The following C12orf75 variants were observed in gnomAD, a reference collection of about 807,000 sequenced individuals.
The protein encoded by C12orf75 is chromosome 12 open reading frame 75, also known as overexpressed in colon carcinoma 1 protein.
A neutral mutation model predicts 11.4 loss-of-function variants in C12orf75; 4 were observed. That is an observed-to-expected ratio of 0.35 (90% confidence interval 0.17 to 0.80). The LOEUF (loss-of-function observed/expected upper bound fraction) is 0.80. Among genes scored for constraint, C12orf75 ranks in the 30% least tolerant of loss-of-function variants. C12orf75 has a pLI of 0.52. For synonymous variants in C12orf75, 30 were observed against 30.0 expected (o/e 1.00, Z 0.00); for missense variants, 89 against 80.4 (o/e 1.11, Z -0.41).
chr12:105,339,916 G>T (rs1892546792), intron 1 of C12orf75, among the ~76,000 whole-genome samples: 1 of 151,750 alleles, frequency 6.6e-6, no homozygotes, highest in African/African-American at 2.4e-5. Flanking sequence ...CACCATGCCT[G>T]GCCCTTGTTT....
chr12:105,369,823 C>T (rs927351381), intron 5 of C12orf75, among the ~76,000 whole-genome samples: 4 of 152,214 alleles, frequency 2.6e-5, no homozygotes, highest in African/African-American at 9.6e-5. Context: ...TGCTAAGCAT[C>T]CATTGTGGTC....
chr12:105,362,277 T>C lies in C12orf75; in HGVS notation c.72-3530T>C, dbSNP rs368355474. Among the ~76,000 whole-genome samples, 13 of 138,852 alleles carry C rather than the reference T, an allele frequency of 9.4e-5. No homozygotes were observed. The East Asian group carries it at 1.3e-3, about 14-fold the overall frequency. The allele number at this position is 138,852 out of a possible 152,430, so 91.1% of individuals were successfully genotyped here. ...GCGGGCGCCTGTAGTCCCAGCTACT[T>C]GGGAGGCTGAGGCAGGAGAATGGCG... On this transcript the variant is annotated intron_variant, in intron 2 of 5. Coordinates refer to ENST00000443585, the MANE Select transcript of C12orf75 (RefSeq NM_001145199.2).
Position 105,357,340 on chromosome 12 carries a change from G to A in C12orf75, c.72-8467G>A, listed in dbSNP as rs1161036476. Reference sequence around the variant, plus strand: ...ATCCATCTGTAATCTTAGTTGCAGTGGTTGCCTTTGGTCAGTTGCTTTTTT... The same window carrying A: ...ATCCATCTGTAATCTTAGTTGCAGTAGTTGCCTTTGGTCAGTTGCTTTTTT... On this transcript the variant is annotated intron_variant, in intron 2 of 5. Coordinates refer to ENST00000443585, the MANE Select transcript of C12orf75 (RefSeq NM_001145199.2). Among the ~76,000 whole-genome samples the A allele has an allele frequency of 3.9e-5, 6 of 152,150 alleles. 1 individual carries two copies. Among genetic ancestry groups the A allele is most frequent in the Admixed American group, 3.9e-4 (6 of 15,282 alleles).
Position 105,340,799 on chromosome 12 carries a change from G to A in C12orf75, c.47-7803G>A, listed in dbSNP as rs903736345. ...AGTAGGCTCTAAATCCAATGAGAAG[G>A]GTGTTTATGAGAGACACAAGATGAG... On this transcript the variant is annotated intron_variant, in intron 1 of 5. Coordinates refer to ENST00000443585, the MANE Select transcript of C12orf75 (RefSeq NM_001145199.2). 4.6e-5 allele frequency among the ~76,000 whole-genome samples: 7 copies of A among 152,212 alleles called. No homozygotes were observed. The South Asian group carries it at 1.4e-3, about 32-fold the overall frequency.
chr12:105,355,572 T>A (rs1234664784), intron 2 of C12orf75, among the ~76,000 whole-genome samples: 2 of 152,194 alleles, frequency 1.3e-5, no homozygotes, highest in Admixed American at 1.3e-4. Context: ...TGGCAGGGTT[T>A]AGACTCCAGA....
intron 2 of C12orf75, among the ~76,000 whole-genome samples, chr12:105,356,395 C>A (rs1208257003): frequency 6.8e-6 from 1 of 146,298 alleles, no homozygotes; most frequent in African/African-American, 2.5e-5. Flanking sequence ...TAAGTTTAGC[C>A]TCTTTAGTGA....
chr12:105,339,873 G>C (rs1892545881), intron 1 of C12orf75, among the ~76,000 whole-genome samples: 1 of 151,958 alleles, frequency 6.6e-6, no homozygotes, highest in Non-Finnish European at 1.5e-5. Flanking sequence ...ACCCACCTCA[G>C]CCTCCCAAAA....
intron 2 of C12orf75, among the ~76,000 whole-genome samples, chr12:105,355,968 C>T (rs915409758): frequency 1.4e-4 from 21 of 152,150 alleles, no homozygotes; most frequent in African/African-American, 5.1e-4. Context: ...GAATGTTACT[C>T]ATGTTCTCCA....
chr12:105,330,839 C>G lies in C12orf75; in HGVS notation c.-53C>G. The G allele has an allele frequency of 8.0e-7, 1 of 1,245,524 alleles. No individual in the cohort carries two copies. The highest frequency in any genetic ancestry group is 1.0e-6 in the Non-Finnish European group (1 of 995,836). The allele number at this position is 1,245,524 out of a possible 1,614,324, so 77.2% of individuals were successfully genotyped here. On this transcript the variant is annotated 5_prime_UTR_variant, in exon 1 of 6. Transcript: ENST00000443585. ...CCGCCCTTCGTCTGGGTCTCCGCCC[C>G]CAGGACCCGCGGCCGAGAGCTCCGG...
chr12:105,368,431 C>T (rs1871545078), intron 5 of C12orf75, among the ~76,000 whole-genome samples: 2 of 152,214 alleles, frequency 1.3e-5, no homozygotes, highest in Non-Finnish European at 2.9e-5. Flanking sequence ...TGGGCACGTT[C>T]CTTCCCCTTT....
chr12:105,351,313 CT>C (rs1892711239), intron 2 of C12orf75, among the ~76,000 whole-genome samples: 1 of 151,944 alleles, frequency 6.6e-6, no homozygotes, highest in Non-Finnish European at 1.5e-5. Flanking sequence ...GAGTAAAGAA[CT>C]TAGAATAGGG....
intron 2 of C12orf75, among the ~76,000 whole-genome samples, chr12:105,359,712 A>G (rs943373853): frequency 5.3e-5 from 8 of 150,414 alleles, no homozygotes; most frequent in African/African-American, 2.0e-4. Context: ...CAGAGGTTCC[A>G]GTGAACTGAG....
chr12:105,351,295 A>C (rs1027966541), intron 2 of C12orf75, among the ~76,000 whole-genome samples: 2 of 152,220 alleles, frequency 1.3e-5, no homozygotes. Flanking sequence ...TAGTAGAATA[A>C]GTACTGAGAG....
chr12:105,359,496 C>T (rs575666205), intron 2 of C12orf75, among the ~76,000 whole-genome samples: 15 of 152,046 alleles, frequency 9.9e-5, no homozygotes, highest in East Asian at 9.6e-4. Context: ...ACTGGCTGGG[C>T]GCAGTGGCTC....
chr12:105,334,570 A>G (rs908911890), intron 1 of C12orf75, among the ~76,000 whole-genome samples: 1 of 152,228 alleles, frequency 6.6e-6, no homozygotes, highest in Non-Finnish European at 1.5e-5. Context: ...GCAACTATAT[A>G]AAGGATGCAG....
chr12:105,339,458 T>C (rs1892539927), intron 1 of C12orf75, among the ~76,000 whole-genome samples: 1 of 151,738 alleles, frequency 6.6e-6, no homozygotes, highest in Non-Finnish European at 1.5e-5. Flanking sequence ...TGTGTGTGAA[T>C]TATCACCACT....
intron 2 of C12orf75, among the ~76,000 whole-genome samples, chr12:105,349,188 C>G (rs1892680393): frequency 6.6e-6 from 1 of 152,168 alleles, no homozygotes; most frequent in Non-Finnish European, 1.5e-5. Flanking sequence ...TTTCCATGCC[C>G]CTTCTCTCTG....
intron 1 of C12orf75, among the ~76,000 whole-genome samples, chr12:105,340,430 C>CAAA (rs60658476): frequency 0.018 from 2,099 of 115,236 alleles, 61 homozygotes; most frequent in African/African-American, 0.056. Context: ...GTGCCCCCGC[C>CAAA]AAAAAAAAAA....
intron 1 of C12orf75, among the ~76,000 whole-genome samples, chr12:105,345,497 A>T (rs1038175152): frequency 6.8e-6 from 1 of 147,152 alleles, no homozygotes; most frequent in African/African-American, 2.5e-5. Context: ...AAACAAATAT[A>T]AAAAAAAAAG....
Sources: gnomAD v4.1 joint callset for allele counts (sites outside exome capture counted in the v4.1 genomes callset) on GRCh38, gnomAD v4.1.1 for gene constraint, MANE v1.5 for transcripts, NCBI Gene and HGNC (gene_info 2026-07-23, HGNC 2026-07-21) for gene names.